GRIK4: variants seen among roughly 807,000 people sequenced by gnomAD.
The protein encoded by GRIK4 is glutamate ionotropic receptor kainate type subunit 4.
GRIK4 carries 40 observed loss-of-function variants against 104.9 expected under a neutral mutation model. The observed-to-expected ratio is 0.38, with a 90% CI of 0.30 to 0.50. The LOEUF is 0.50. Ranked by LOEUF, GRIK4 falls within the 20% of genes least tolerant of loss-of-function variation. GRIK4 has a pLI of 0.93. For missense variants in GRIK4, 1,047 were observed against 1,308.1 expected, an observed-to-expected ratio of 0.80 and a Z score of 3.08; for synonymous variants, 485 against 524.9, an observed-to-expected ratio of 0.92 and a Z score of 1.04.
In GRIK4 at chr11:120,853,595, G is replaced by T. The variant is rs185307066; in HGVS notation, c.745-8364G>T. On this transcript the variant is annotated intron_variant, in intron 8 of 20. Transcript: ENST00000527524. Reference sequence around the variant, plus strand: ...GATGTGGACAGTGAGAGCATGGAAGGGGAGGATGCATTCTAAATTCTAGCT... The same window carrying T: ...GATGTGGACAGTGAGAGCATGGAAGTGGAGGATGCATTCTAAATTCTAGCT... 4.3e-3 allele frequency among the ~76,000 whole-genome samples: 649 copies of T among 152,334 alleles called. 2 individuals are homozygous for T. The highest frequency in any genetic ancestry group is 0.014 in the Middle Eastern group (4 of 294).
intron 14 of GRIK4, among the ~76,000 whole-genome samples, chr11:120,945,007 A>C (rs1240946603): frequency 6.6e-6 from 1 of 152,128 alleles, no homozygotes; most frequent in African/African-American, 2.4e-5. Context: ...TAAAAAAAAA[A>C]AAAGACAAAT....
At chr11:120,827,141 T>C (rs1953287891) in intron 6 of GRIK4, among the ~76,000 whole-genome samples, 1 of 152,150 alleles carries the variant, frequency 6.6e-6, no homozygotes, top group Admixed American at 6.5e-5. Flanking sequence ...GGAAGCTTGT[T>C]GAAAGAGGTG....
chr11:120,824,553 C>CTCT (rs1953207751), intron 6 of GRIK4, among the ~76,000 whole-genome samples: 1 of 128,894 alleles, frequency 7.8e-6, no homozygotes, highest in Admixed American at 7.9e-5. Context: ...TTTTTCTTTT[C>CTCT]TTTTTTTTTT....
chr11:120,776,795 G>A, intron 3 of GRIK4, among the ~76,000 whole-genome samples: 1 of 152,200 alleles, frequency 6.6e-6, no homozygotes, highest in East Asian at 1.9e-4. Context: ...TTGGCTGGAG[G>A]CCTTAGCACC....
intron 19 of GRIK4, among the ~76,000 whole-genome samples, chr11:120,969,001 G>C (rs1028677082): frequency 3.3e-5 from 5 of 152,178 alleles, no homozygotes; most frequent in Non-Finnish European, 7.3e-5. Context: ...TCCATCAGCT[G>C]CCTGCAGAGG....
chr11:120,558,689 T>C lies in GRIK4; in HGVS notation c.-159+46802T>C, dbSNP rs114412050. Among the ~76,000 whole-genome samples the C allele has an allele frequency of 4.9e-3, 740 of 152,348 alleles. 6 individuals are homozygous for C. The highest frequency in any genetic ancestry group is 0.017 in the African/African-American group (702 of 41,578). On this transcript the variant is annotated intron_variant, in intron 1 of 20. Transcript: ENST00000527524. Reference sequence around the variant, plus strand: ...GGCACACACAAGAGACAGGCATTTATACACAACATAAATGATGGAAAATTA... The same window carrying C: ...GGCACACACAAGAGACAGGCATTTACACACAACATAAATGATGGAAAATTA...
In GRIK4 at chr11:120,952,889, C is replaced by T; in HGVS notation, c.1625C>T (p.Pro542Leu). ...CCCGGCTATTTCTCCTTCCTGGACC[C>T]ATTTTCTCCGGGCGTCTGGCTCTTC... ...RKPGYFSFLD[P>L]FSPGVWLFML... Residue 542 changes from proline to leucine, a missense_variant, in exon 15 of 21, where the codon CCA (proline) becomes CTA (leucine). Pro to Leu is a moderately conservative substitution (Grantham distance 98, BLOSUM62 -3). Transcript: ENST00000527524. The surrounding 1 kb of genome is among the most constrained non-coding windows in gnomAD (Gnocchi z 5.2). 1 of 1,613,978 alleles carries T rather than the reference C, an allele frequency of 6.2e-7. No homozygotes were observed. Among genetic ancestry groups the T allele is most frequent in the Non-Finnish European group, 8.5e-7 (1 of 1,179,892 alleles).
At chr11:120,678,753 C>T (rs1950143617) in intron 3 of GRIK4, among the ~76,000 whole-genome samples, 1 of 152,100 alleles carries the variant, frequency 6.6e-6, no homozygotes. Flanking sequence ...CCTGCCCCAG[C>T]CTCCCATGTA....
chr11:120,564,191 C>T (rs1050582450), intron 1 of GRIK4, among the ~76,000 whole-genome samples: 1 of 152,234 alleles, frequency 6.6e-6, no homozygotes, highest in African/African-American at 2.4e-5. Flanking sequence ...CTTGGTTACT[C>T]TGGCAACTCG....
At chr11:120,936,190 C>A in intron 13 of GRIK4, 1 of 327,738 alleles carries the variant, frequency 3.1e-6, no homozygotes, top group Non-Finnish European at 6.0e-6. Flanking sequence ...GCAGCAATAT[C>A]CTTTGGCATT....
chr11:120,620,004 C>T (rs4331108), intron 1 of GRIK4: 193,177 of 506,920 alleles, frequency 0.38, 38,470 homozygotes, highest in Admixed American at 0.5. Flanking sequence ...TTGGGAATCT[C>T]GGTGGAGCTG....
intron 1 of GRIK4, among the ~76,000 whole-genome samples, chr11:120,535,754 C>A (rs545511796): frequency 6.6e-6 from 1 of 152,206 alleles, no homozygotes; most frequent in African/African-American, 2.4e-5. Flanking sequence ...ACTGAGTGAA[C>A]GTTGCATTTT....
intron 1 of GRIK4, among the ~76,000 whole-genome samples, chr11:120,521,728 CT>C (rs1002432894): frequency 1.6e-4 from 24 of 152,152 alleles, no homozygotes; most frequent in African/African-American, 5.8e-4. Context: ...ATGAGAACGC[CT>C]GTTGTATTGC....
At chr11:120,708,965 G>C (rs185636901) in intron 3 of GRIK4, among the ~76,000 whole-genome samples, 1 of 152,102 alleles carries the variant, frequency 6.6e-6, no homozygotes, top group Non-Finnish European at 1.5e-5. Flanking sequence ...ACCTTTACCT[G>C]GTCTGGCCTG....
At chr11:120,705,353 G>A (rs543494156) in intron 3 of GRIK4, among the ~76,000 whole-genome samples, 72 of 152,090 alleles carry the variant, frequency 4.7e-4, no homozygotes, top group Admixed American at 4.1e-3. Flanking sequence ...AGCCTCCCAG[G>A]TAGCTGGGAT....
intron 1 of GRIK4, among the ~76,000 whole-genome samples, chr11:120,630,154 C>A (rs1949316802): frequency 6.6e-6 from 1 of 152,206 alleles, no homozygotes; most frequent in African/African-American, 2.4e-5. Context: ...CAGCTGCAGG[C>A]TACAGAGTCA....
chr11:120,779,034 A>C (rs1055750302), intron 3 of GRIK4, among the ~76,000 whole-genome samples: 2 of 152,020 alleles, frequency 1.3e-5, no homozygotes, highest in Admixed American at 6.5e-5. Flanking sequence ...TGGGGAGGTG[A>C]GCGCCGACTT....
At chr11:120,698,011 G>A (rs1354789899) in intron 3 of GRIK4, among the ~76,000 whole-genome samples, 2 of 152,112 alleles carry the variant, frequency 1.3e-5, no homozygotes, top group Admixed American at 1.3e-4. Context: ...GGTTTGGCCA[G>A]AGCTAAGGTG....
intron 1 of GRIK4, among the ~76,000 whole-genome samples, chr11:120,613,845 C>G (rs1180334002): frequency 1.3e-5 from 2 of 152,170 alleles, no homozygotes; most frequent in Admixed American, 6.5e-5. Context: ...TCTCAGGGTG[C>G]TGAGGCATTT....
Sources: gnomAD v4.1 joint callset for allele counts (sites outside exome capture counted in the v4.1 genomes callset) on GRCh38, gnomAD v4.1.1 for gene constraint, Gnocchi (gnomAD v3.1) non-coding constraint, MANE v1.5 for transcripts, NCBI Gene and HGNC (gene_info 2026-07-23, HGNC 2026-07-21) for gene names.